LMF1: variants seen among roughly 807,000 people sequenced by gnomAD.
LMF1 encodes transmembrane protein 112.
Under a neutral mutation model 60.6 loss-of-function variants are expected in LMF1, and 68 were observed. That is an observed-to-expected ratio of 1.12 (90% CI 0.92 to 1.37). The LOEUF (loss-of-function observed/expected upper bound fraction) is 1.37, where lower values mean the gene tolerates loss of function less well. Ranked by LOEUF, LMF1 falls within the 40% of genes most tolerant of loss-of-function variation. LMF1 has a pLI of 0.00. For synonymous variants in LMF1, 418 were observed against 324.7 expected (o/e 1.29, Z -3.09); for missense variants, 948 against 767.2 (o/e 1.24, Z -2.78).
At chr16:893,544 G>C (rs2151732181) in intron 4 of LMF1, among the ~76,000 whole-genome samples, 1 of 152,262 alleles carries the variant, frequency 6.6e-6, no homozygotes, top group African/African-American at 2.4e-5. Context: ...CGAGGCGCAG[G>C]CCCCGTGTGT....
chr16:932,205 T>C (rs894283581), intron 3 of LMF1, among the ~76,000 whole-genome samples: 2 of 152,122 alleles, frequency 1.3e-5, no homozygotes, highest in Admixed American at 1.3e-4. Context: ...AGAGCCTGTG[T>C]TCCCCAGGAG....
At chr16:958,332 C>T (rs2072750234) in intron 1 of LMF1, among the ~76,000 whole-genome samples, 3 of 152,200 alleles carry the variant, frequency 2.0e-5, no homozygotes, top group African/African-American at 7.2e-5. Flanking sequence ...AAAATACTGG[C>T]AAATCACACA....
At chr16:933,871 G>A (rs1350322594) in intron 3 of LMF1, 34 of 974,860 alleles carry the variant, frequency 3.5e-5, no homozygotes, top group South Asian at 4.9e-5. Flanking sequence ...GCCCACCAGC[G>A]TGAGTGCCGT....
At chr16:858,518 GC>G (rs200190709) in intron 10 of LMF1, among the ~76,000 whole-genome samples, 4 of 31,812 alleles carry the variant, frequency 1.3e-4, no homozygotes, top group Admixed American at 2.5e-4. Context: ...GGACGGGTGT[GC>G]AGTGGTGTCT....
chr16:932,051 C>T (rs911094385), intron 3 of LMF1, among the ~76,000 whole-genome samples: 4 of 152,236 alleles, frequency 2.6e-5, no homozygotes, highest in Non-Finnish European at 4.4e-5. Context: ...CCCATGCAGA[C>T]CCCGTTGCTT....
At chr16:935,156 G>A (rs1253101107) in intron 2 of LMF1, among the ~76,000 whole-genome samples, 1 of 151,500 alleles carries the variant, frequency 6.6e-6, no homozygotes, top group Non-Finnish European at 1.5e-5. Context: ...AGGTTGGAGT[G>A]CAGCGGTGCA....
At chr16:947,493 C>G (rs979391660) in intron 2 of LMF1, 1 of 456,106 alleles carries the variant, frequency 2.2e-6, no homozygotes, top group Non-Finnish European at 4.4e-6. Flanking sequence ...CTCCCAGCGT[C>G]CCCTCCAGCC....
At chr16:973,886 T>C (rs189217974), upstream of LMF1, among the ~76,000 whole-genome samples, 586 of 151,892 alleles carry the variant, frequency 3.9e-3, 1 homozygote, top group African/African-American at 0.013. Context: ...GGCGGGCGCC[T>C]GTAGTCCCAG....
At position 897,407 on chromosome 16, in the gene LMF1, G is replaced by A. The variant is rs1040026650; in HGVS notation, c.664-4335C>T. Among the ~76,000 whole-genome samples the A allele has an allele frequency of 6.6e-6, 1 of 152,180 alleles. No homozygotes were observed. Among genetic ancestry groups the A allele is most frequent in the Non-Finnish European group, 1.5e-5 (1 of 68,028 alleles). On this transcript the variant is annotated intron_variant, in intron 4 of 10. Transcript: ENST00000262301. The surrounding 1 kb of genome is among the most constrained non-coding windows in gnomAD (Gnocchi z 4.3). ...CGGCTAACGTGGTGTTTGAGGAGGG[G>A]GCGCCGCCAGGCCTCCCTCCGAGCC...
At position 878,033 on chromosome 16, in the gene LMF1, C is replaced by G. The variant is rs1189029682; in HGVS notation, c.897+1537G>C. ...GCTATTCCAGGAGCCCCCAAACACA[C>G]ATGGGGTCTGGCTACACGGAACCGA... On this transcript the variant is annotated intron_variant, in intron 6 of 10. Transcript: ENST00000262301. The surrounding 1 kb of genome is among the most constrained non-coding windows in gnomAD (Gnocchi z 5.2). 2.0e-5 allele frequency among the ~76,000 whole-genome samples: 3 copies of G among 151,924 alleles called. No homozygotes were observed. The highest frequency in any genetic ancestry group is 7.3e-5 in the African/African-American group (3 of 41,302).
At chr16:891,522 T>C (rs2070488289) in intron 5 of LMF1, among the ~76,000 whole-genome samples, 1 of 152,186 alleles carries the variant, frequency 6.6e-6, no homozygotes, top group Non-Finnish European at 1.5e-5. Flanking sequence ...TCGCCACCGG[T>C]GCTGGGCCAG....
At chr16:906,379 AATCTGGTGGGCACC>A (rs1426375562) in intron 4 of LMF1, among the ~76,000 whole-genome samples, 2 of 152,160 alleles carry the variant, frequency 1.3e-5, no homozygotes, top group African/African-American at 4.8e-5. Context: ...ACCCAAGCTT[AATCTGGTGGGCACC>A]ATCTCATCAG....
chr16:869,397 C>T (rs1486994164), intron 9 of LMF1: 4 of 582,090 alleles, frequency 6.9e-6, no homozygotes, highest in Non-Finnish European at 1.3e-5. Flanking sequence ...CAGCTCTGTC[C>T]ATGGGTGCCT....
Position 885,755 on chromosome 16 carries a change from A to T in LMF1, c.730-6018T>A, listed in dbSNP as rs75089317. 1.0e-2 allele frequency among the ~76,000 whole-genome samples: 1,519 copies of T among 152,374 alleles called. 21 individuals carry two copies. The highest frequency in any genetic ancestry group is 0.034 in the African/African-American group (1,433 of 41,586). On this transcript the variant is annotated intron_variant, in intron 5 of 10. Coordinates refer to ENST00000262301, the MANE Select transcript of LMF1 (RefSeq NM_022773.4). Reference sequence around the variant, plus strand: ...AAAACGGATAGAAATGTAAGCAGACATAGAGAAATCCATAATTATAGTTGG... The same window carrying T: ...AAAACGGATAGAAATGTAAGCAGACTTAGAGAAATCCATAATTATAGTTGG...
chr16:979,743 C>G, intron 1 of LMF1: 1 of 454,150 alleles, frequency 2.2e-6, no homozygotes, highest in South Asian at 1.6e-5. Context: ...GCACTGTGAG[C>G]CCGAGTGGGC....
rs540506769 is a variant in LMF1 at position 862,676 on chromosome 16, G to A, written c.1529+6268C>T. On this transcript the variant is annotated intron_variant, in intron 10 of 10. Coordinates refer to ENST00000262301, the MANE Select transcript of LMF1 (RefSeq NM_022773.4). ...AGTTTGGGACCAGCCAGGGCACCAT[G>A]GCAAGATCCTGTCTCTACAAAAACT... Among the ~76,000 whole-genome samples the A allele has an allele frequency of 2.0e-5, 3 of 152,056 alleles. No individual in the cohort carries two copies. The East Asian group carries it at 5.8e-4, about 29-fold the overall frequency.
chr16:954,884 T>TCC (rs2072633837), intron 1 of LMF1, among the ~76,000 whole-genome samples: 1 of 151,126 alleles, frequency 6.6e-6, no homozygotes. Flanking sequence ...GGTGTGTGCA[T>TCC]ACACGCATAC....
rs10674839 is a variant in LMF1, at chr16:935,571, TA to T, written c.504-1318del. Among the ~76,000 whole-genome samples, 299 of 142,238 alleles carry T rather than the reference TA, an allele frequency of 2.1e-3. 3 individuals are homozygous for T. The highest frequency in any genetic ancestry group is 0.014 in the Middle Eastern group (4 of 288). The allele number at this position is 142,238 out of a possible 152,430, so 93.3% of individuals were successfully genotyped here. A position where few individuals can be genotyped will look rare whatever the true frequency, so the allele number is the denominator to read the frequency against. ...CTAACACTAGTGACAGCTGATGAGC[TA>T]AAAAAAAAAAAACTCATAATGTTTT... On this transcript the variant is annotated intron_variant, in intron 2 of 10. Coordinates refer to ENST00000262301, the MANE Select transcript of LMF1 (RefSeq NM_022773.4).
At position 954,623 on chromosome 16, in the gene LMF1, G is replaced by A. The variant is rs141010394; in HGVS notation, c.237C>T (p.Ile79=). ...LVAFHQNKQL[I]GDRGLLPCRV... is the part of the protein sequence containing the mutation. Reference sequence around the variant, plus strand: ...TGCAGGGAAGCAGCCCCCTGTCACCGATGAGCTGCTTGTTCTGATGGAAAG... The same window carrying A: ...TGCAGGGAAGCAGCCCCCTGTCACCAATGAGCTGCTTGTTCTGATGGAAAG... Residue 79 remains isoleucine (I), a synonymous_variant, in exon 2 of 11, where the codon ATC becomes ATT. Transcript: ENST00000262301. 2.8e-4 allele frequency: 457 copies of A among 1,608,524 alleles called. No homozygotes were observed. The highest frequency in any genetic ancestry group is 1.2e-3 in the African/African-American group (87 of 74,986).
Sources: allele counts gnomAD v4.1 joint callset (sites outside exome capture counted in the v4.1 genomes callset), GRCh38; gene constraint gnomAD v4.1.1; non-coding constraint Gnocchi (gnomAD v3.1); transcripts MANE v1.5; gene names NCBI Gene and HGNC (gene_info 2026-07-23, HGNC 2026-07-21).